Variants in ATP2B2 observed in about 807,000 individuals in gnomAD.
ATP2B2 encodes ATPase plasma membrane Ca2+ transporting 2, also known as plasma membrane calcium-transporting ATPase 2.
Under a neutral mutation model 120.0 loss-of-function variants are expected in ATP2B2, and 15 were observed. That is an observed-to-expected ratio of 0.12 (90% CI 0.08 to 0.19). ATP2B2 has a LOEUF of 0.19. ATP2B2 is among the 10% of genes least tolerant of loss of function. ATP2B2 has a pLI of 1.00. For synonymous variants in ATP2B2, 694 were observed against 700.3 expected (o/e 0.99, Z 0.14); for missense variants, 1,045 against 1,719.8 (o/e 0.61, Z 6.94).
intron 2 of ATP2B2, among the ~76,000 whole-genome samples, chr3:10,581,662 G>A (rs1386491504): frequency 2.6e-5 from 4 of 152,214 alleles, no homozygotes; most frequent in African/African-American, 7.2e-5. Context: ...ATAAGTGAAA[G>A]TGCATAGCTT....
At chr3:10,504,103 T>A (rs998275947) in intron 1 of ATP2B2, among the ~76,000 whole-genome samples, 1 of 152,184 alleles carries the variant, frequency 6.6e-6, no homozygotes, top group Admixed American at 6.5e-5. Context: ...TATGCCCTGA[T>A]GTGAATGGGA....
intron 1 of ATP2B2, among the ~76,000 whole-genome samples, chr3:10,698,207 G>A (rs1189177106): frequency 1.3e-5 from 2 of 152,240 alleles, no homozygotes; most frequent in East Asian, 3.8e-4. Context: ...GGAGGTTGGT[G>A]GGGATGTCTG....
chr3:10,559,328 G>C (rs764417281), intron 2 of ATP2B2, among the ~76,000 whole-genome samples: 6 of 152,068 alleles, frequency 3.9e-5, no homozygotes, highest in Non-Finnish European at 7.4e-5. Flanking sequence ...TAGCACTATC[G>C]GGTGAACATA....
chr3:10,506,473 G>A (rs2066631750), upstream of ATP2B2, among the ~76,000 whole-genome samples: 1 of 152,204 alleles, frequency 6.6e-6, no homozygotes. Flanking sequence ...CGGTAGGGTT[G>A]GAAGCCCCTA....
intron 1 of ATP2B2, among the ~76,000 whole-genome samples, chr3:10,623,780 C>T (rs948901486): frequency 4.6e-5 from 7 of 152,182 alleles, no homozygotes; most frequent in African/African-American, 1.4e-4. Flanking sequence ...CTCCAGGAAG[C>T]CTCCCAGGAT....
At chr3:10,367,127 T>A (rs1281509111) in intron 12 of ATP2B2, among the ~76,000 whole-genome samples, 3 of 151,856 alleles carry the variant, frequency 2.0e-5, no homozygotes, top group Non-Finnish European at 2.9e-5. Flanking sequence ...TACCACTGGC[T>A]CCCCCCATTT....
intron 12 of ATP2B2, among the ~76,000 whole-genome samples, chr3:10,368,706 C>T (rs1483450159): frequency 1.3e-5 from 2 of 151,898 alleles, no homozygotes; most frequent in South Asian, 2.1e-4. Flanking sequence ...TGTCCATCCA[C>T]CCATCCACCC....
intron 21 of ATP2B2, among the ~76,000 whole-genome samples, chr3:10,339,074 G>T (rs1208070265): frequency 3.3e-5 from 5 of 152,194 alleles, no homozygotes; most frequent in African/African-American, 1.2e-4. Context: ...TCAGGCGCTG[G>T]CATGAATGCA....
At chr3:10,341,590 C>G (rs1294123330) in intron 19 of ATP2B2, among the ~76,000 whole-genome samples, 1 of 152,224 alleles carries the variant, frequency 6.6e-6, no homozygotes, top group Admixed American at 6.5e-5. Context: ...GGATTACAGG[C>G]ATGAGCCACT....
chr3:10,442,215 C>T (rs1033339801), intron 2 of ATP2B2, among the ~76,000 whole-genome samples: 2 of 152,018 alleles, frequency 1.3e-5, no homozygotes, highest in African/African-American at 4.8e-5. Flanking sequence ...AAGTGAGGCC[C>T]CGTGGAAATG....
intron 9 of ATP2B2, among the ~76,000 whole-genome samples, 165 bp from the exon 10 acceptor site, chr3:10,378,575 G>A (rs1559253923): frequency 6.6e-6 from 1 of 152,214 alleles, no homozygotes; most frequent in Non-Finnish European, 1.5e-5. Context: ...TGTGATGGGG[G>A]CCTGCCTCTT....
At chr3:10,363,458 C>T (rs2060958287) in intron 12 of ATP2B2, among the ~76,000 whole-genome samples, 1 of 152,198 alleles carries the variant, frequency 6.6e-6, no homozygotes. Flanking sequence ...TGCCCCAGAG[C>T]CCCTGATTCC....
intron 22 of ATP2B2, among the ~76,000 whole-genome samples, chr3:10,333,101 C>T (rs753822471): frequency 1.3e-5 from 2 of 152,064 alleles, no homozygotes; most frequent in Admixed American, 1.3e-4. Flanking sequence ...GGAGGGCCTG[C>T]GATGTGTTCA....
intron 3 of ATP2B2, among the ~76,000 whole-genome samples, chr3:10,406,215 G>A (rs1334380127): frequency 6.6e-6 from 1 of 152,212 alleles, no homozygotes; most frequent in Non-Finnish European, 1.5e-5. Context: ...TTCATCAGGG[G>A]GCATCCAGCC....
intron 2 of ATP2B2, among the ~76,000 whole-genome samples, chr3:10,594,460 C>T (rs890531250): frequency 4.0e-5 from 6 of 151,250 alleles, no homozygotes; most frequent in African/African-American, 2.4e-5. Flanking sequence ...AGCAAACTAT[C>T]GCAAGGACAA....
chr3:10,686,696 C>G (rs2071533531), intron 1 of ATP2B2, among the ~76,000 whole-genome samples: 1 of 151,946 alleles, frequency 6.6e-6, no homozygotes, highest in South Asian at 2.1e-4. Context: ...TTTTGTGTTC[C>G]AGGCACTGTG....
At chr3:10,596,814 A>C (rs2068775047) in intron 2 of ATP2B2, among the ~76,000 whole-genome samples, 3 of 152,246 alleles carry the variant, frequency 2.0e-5, no homozygotes, top group African/African-American at 7.2e-5. Context: ...GGGATGGGAG[A>C]AACACACAGT....
intron 22 of ATP2B2, among the ~76,000 whole-genome samples, chr3:10,337,491 G>A (rs1357846676): frequency 6.6e-6 from 1 of 152,122 alleles, no homozygotes; most frequent in East Asian, 1.9e-4. Context: ...GTGAGAGCAT[G>A]TGGTATGTGT....
At chr3:10,701,297 C>G (rs527456085) in intron 1 of ATP2B2, among the ~76,000 whole-genome samples, 124 of 152,346 alleles carry the variant, frequency 8.1e-4, no homozygotes, top group African/African-American at 2.9e-3. Flanking sequence ...ATGCTGCACC[C>G]TCCTTATACC....
Sources: allele counts gnomAD v4.1 joint callset (sites outside exome capture counted in the v4.1 genomes callset), GRCh38; gene constraint gnomAD v4.1.1; transcripts MANE v1.5; gene names NCBI Gene and HGNC (gene_info 2026-07-23, HGNC 2026-07-21).